Variants in LAMA2 observed in about 807,000 individuals in gnomAD.
LAMA2 encodes the protein laminin subunit alpha-2.
Under a neutral mutation model 364.8 loss-of-function variants are expected in LAMA2, and 269 were observed. That is an observed-to-expected ratio of 0.74 (90% confidence interval 0.67 to 0.82). LAMA2 has a LOEUF of 0.82. LAMA2 is among the 40% of genes least tolerant of loss of function. The probability of loss-of-function intolerance (pLI) is 0.00; values close to 1 mark genes in which losing one functional copy is unlikely to be tolerated. For synonymous variants in LAMA2, 1,379 were observed against 1,370.6 expected (o/e 1.01, Z -0.14); for missense variants, 3,807 against 3,873.2 (o/e 0.98, Z 0.45).
chr6:129,176,843 GT>G (rs1238126461), intron 9 of LAMA2, among the ~76,000 whole-genome samples: 3 of 151,690 alleles, frequency 2.0e-5, no homozygotes, highest in African/African-American at 7.3e-5. Flanking sequence ...ACATGTTTAT[GT>G]TTTTAATAAG....
intron 1 of LAMA2, among the ~76,000 whole-genome samples, chr6:128,914,041 G>T (rs1778150161): frequency 6.6e-6 from 1 of 152,072 alleles, no homozygotes; most frequent in African/African-American, 2.4e-5. Flanking sequence ...AATAAGAGAA[G>T]AGGCAAGCTA....
At chr6:129,412,100 C>A (rs1276471873) in intron 40 of LAMA2, among the ~76,000 whole-genome samples, 1 of 151,902 alleles carries the variant, frequency 6.6e-6, no homozygotes, top group Non-Finnish European at 1.5e-5. Context: ...TATTCGAGTT[C>A]TCCAGAGAAA....
chr6:129,117,566 AG>A (rs1409996203), intron 4 of LAMA2, among the ~76,000 whole-genome samples: 1 of 152,214 alleles, frequency 6.6e-6, no homozygotes, highest in East Asian at 1.9e-4. Flanking sequence ...GTGTGGTTAA[AG>A]TACAGAATGT....
intron 37 of LAMA2, among the ~76,000 whole-genome samples, chr6:129,395,593 G>T (rs910955006): frequency 1.3e-5 from 2 of 152,162 alleles, no homozygotes; most frequent in Non-Finnish European, 2.9e-5. Context: ...AGAACCACGG[G>T]TATAAACACT....
chr6:129,016,060 TGCAG>T (rs1785052115), intron 1 of LAMA2, among the ~76,000 whole-genome samples: 1 of 152,092 alleles, frequency 6.6e-6, no homozygotes, highest in Non-Finnish European at 1.5e-5. Flanking sequence ...TACTGAGTGC[TGCAG>T]AAACTTCTGT....
At chr6:129,111,588 A>C (rs535679091) in intron 4 of LAMA2, among the ~76,000 whole-genome samples, 1 of 152,136 alleles carries the variant, frequency 6.6e-6, no homozygotes, top group East Asian at 1.9e-4. Context: ...GGTTTAAACT[A>C]ATATGTGCCA....
chr6:129,416,879 G>A (rs539827647), intron 40 of LAMA2, among the ~76,000 whole-genome samples: 1 of 152,304 alleles, frequency 6.6e-6, no homozygotes, highest in African/African-American at 2.4e-5. Flanking sequence ...AGTGGGCTGG[G>A]CAGCTCCAGG....
At chr6:128,948,177 G>A (rs1032441295) in intron 1 of LAMA2, among the ~76,000 whole-genome samples, 7 of 152,042 alleles carry the variant, frequency 4.6e-5, no homozygotes, top group Non-Finnish European at 1.0e-4. Flanking sequence ...AAAAATCCAA[G>A]CAAAGCAGGT....
intron 4 of LAMA2, among the ~76,000 whole-genome samples, chr6:129,112,471 G>T (rs940138790): frequency 6.6e-6 from 1 of 151,910 alleles, no homozygotes; most frequent in African/African-American, 2.4e-5. Context: ...AAATGAGCTG[G>T]AATACAGTTT....
At chr6:129,388,744 G>T (rs1779164262) in intron 35 of LAMA2, among the ~76,000 whole-genome samples, 1 of 152,118 alleles carries the variant, frequency 6.6e-6, no homozygotes, top group Admixed American at 6.6e-5. Context: ...GCTTTAGCAG[G>T]TTGGGAAGTG....
chr6:129,462,581 T>G (rs1451969730), intron 49 of LAMA2, among the ~76,000 whole-genome samples: 1 of 152,016 alleles, frequency 6.6e-6, no homozygotes, highest in Non-Finnish European at 1.5e-5. Context: ...TTTAATGTTT[T>G]AGTGTATCTT....
intron 45 of LAMA2, among the ~76,000 whole-genome samples, chr6:129,450,006 A>G (rs1782590283): frequency 6.6e-6 from 1 of 151,848 alleles, no homozygotes; most frequent in South Asian, 2.1e-4. Context: ...GGGCTTCACC[A>G]TGTTGGCCAG....
chr6:128,898,618 T>G (rs1776906455), intron 1 of LAMA2, among the ~76,000 whole-genome samples: 3 of 152,242 alleles, frequency 2.0e-5, no homozygotes. Context: ...GCCTCCCAGC[T>G]GCTCTCCCTT....
chr6:129,176,950 C>T (rs1335321722), intron 9 of LAMA2, among the ~76,000 whole-genome samples: 2 of 151,942 alleles, frequency 1.3e-5, no homozygotes, highest in Non-Finnish European at 2.9e-5. Flanking sequence ...CCTAATGTTT[C>T]CTTGCCTTTT....
chr6:128,971,423 T>A (rs1280380711), intron 1 of LAMA2, among the ~76,000 whole-genome samples: 1 of 152,114 alleles, frequency 6.6e-6, no homozygotes, highest in African/African-American at 2.4e-5. Context: ...GAACTTAAGC[T>A]CATAGGTGAA....
chr6:128,936,139 C>G (rs112151719), intron 1 of LAMA2, among the ~76,000 whole-genome samples: 56 of 152,206 alleles, frequency 3.7e-4, no homozygotes, highest in African/African-American at 1.2e-3. Context: ...TTCCTGAGGT[C>G]TCCCCAGCCG....
intron 14 of LAMA2, among the ~76,000 whole-genome samples, chr6:129,260,251 A>G (rs1027090171): frequency 6.6e-6 from 1 of 152,176 alleles, no homozygotes; most frequent in Admixed American, 6.6e-5. Flanking sequence ...TATCTCTAAG[A>G]AAAAGAAAAC....
intron 1 of LAMA2, among the ~76,000 whole-genome samples, chr6:128,976,896 A>G (rs1311423926): frequency 6.6e-6 from 1 of 152,208 alleles, no homozygotes; most frequent in African/African-American, 2.4e-5. Context: ...GTATGAACAA[A>G]GGTTACTGTT....
intron 20 of LAMA2, among the ~76,000 whole-genome samples, chr6:129,295,231 G>A (rs912099492): frequency 2.0e-5 from 3 of 152,066 alleles, no homozygotes; most frequent in Non-Finnish European, 4.4e-5. Context: ...TGCCAGGGTT[G>A]TCCTGAGGAG....
Sources: allele counts gnomAD v4.1 joint callset (sites outside exome capture counted in the v4.1 genomes callset), GRCh38; gene constraint gnomAD v4.1.1; transcripts MANE v1.5; gene names NCBI Gene and HGNC (gene_info 2026-07-23, HGNC 2026-07-21).